Variants in RASSF8 observed in about 807,000 individuals in gnomAD.
RASSF8 encodes ras association domain-containing protein 8.
Under a neutral mutation model 48.5 loss-of-function variants are expected in RASSF8, and 22 were observed. The ratio of observed to expected loss-of-function variants is 0.45; its 90% CI spans 0.32 to 0.65. The LOEUF is 0.65. Ranked by LOEUF, RASSF8 falls within the 30% of genes least tolerant of loss-of-function variation. The probability of loss-of-function intolerance (pLI) is 0.03; values close to 1 mark genes in which losing one functional copy is unlikely to be tolerated. For missense variants in RASSF8, 418 were observed against 489.2 expected, an observed-to-expected ratio of 0.85 and a Z score of 1.37; for synonymous variants, 127 against 171.5, an observed-to-expected ratio of 0.74 and a Z score of 2.03.
chr12:25,978,050 C>T (rs561193809), intron 1 of RASSF8, among the ~76,000 whole-genome samples: 3 of 152,324 alleles, frequency 2.0e-5, no homozygotes, highest in African/African-American at 7.2e-5. Context: ...GCCCTTCTAC[C>T]CACTTGCTTA....
chr12:25,971,811 C>T (rs761196040), intron 1 of RASSF8, among the ~76,000 whole-genome samples: 2 of 152,174 alleles, frequency 1.3e-5, no homozygotes, highest in Non-Finnish European at 2.9e-5. Flanking sequence ...AAGTAACCAC[C>T]CAGGAGAAGT....
In RASSF8 at chr12:26,065,346, G is replaced by T; in HGVS notation, c.952G>T (p.Ala318Ser). 1 of 1,613,980 alleles carries T rather than the reference G, an allele frequency of 6.2e-7. No homozygotes were observed. The highest frequency in any genetic ancestry group is 8.5e-7 in the Non-Finnish European group (1 of 1,179,938). The change falls in exon 4 of 6, where the codon GCT (alanine) becomes TCT (serine). Residue 318 changes from alanine to serine, a missense_variant. Coordinates refer to ENST00000689635, the MANE Select transcript of RASSF8 (RefSeq NM_001394098.1). ...QSLRLENGIK[A>S]VERSLGQATK... ...TCTGAGGTTGGAAAATGGCATCAAA[G>T]CTGTGGAAAGATCTCTTGGACAAGC...
At chr12:26,045,969 A>G (rs2137184525) in intron 2 of RASSF8, among the ~76,000 whole-genome samples, 1 of 152,276 alleles carries the variant, frequency 6.6e-6, no homozygotes, top group African/African-American at 2.4e-5. Context: ...GCAGAAGAAA[A>G]GTGATTCTAT....
At chr12:25,994,401 A>T (rs778363824) in intron 1 of RASSF8, among the ~76,000 whole-genome samples, 1 of 152,170 alleles carries the variant, frequency 6.6e-6, no homozygotes, top group Non-Finnish European at 1.5e-5. Context: ...AATTGCGTCA[A>T]TTCCCATCTT....
At chr12:26,025,004 C>T (rs1942874591) in intron 2 of RASSF8, among the ~76,000 whole-genome samples, 1 of 151,870 alleles carries the variant, frequency 6.6e-6, no homozygotes, top group East Asian at 1.9e-4. Flanking sequence ...GAATAAAGAA[C>T]AAAAACTACA....
chr12:25,968,337 T>TA (rs1555157355), intron 1 of RASSF8, among the ~76,000 whole-genome samples: 3 of 152,124 alleles, frequency 2.0e-5, no homozygotes, highest in African/African-American at 4.8e-5. Flanking sequence ...GTTCTTTATT[T>TA]TTTATTTATT....
chr12:26,052,249 C>T (rs1181821938), intron 2 of RASSF8, among the ~76,000 whole-genome samples: 1 of 152,156 alleles, frequency 6.6e-6, no homozygotes, highest in Non-Finnish European at 1.5e-5. Context: ...GCTGTAATTC[C>T]TTTAAGAAAG....
intron 1 of RASSF8, among the ~76,000 whole-genome samples, chr12:25,991,223 CTG>C (rs1381953815): frequency 6.6e-6 from 1 of 151,928 alleles, no homozygotes; most frequent in African/African-American, 2.4e-5. Flanking sequence ...CTCTTGGAAA[CTG>C]GAATTTATTT....
chr12:26,032,614 C>T (rs2137115179), intron 2 of RASSF8, among the ~76,000 whole-genome samples: 1 of 152,178 alleles, frequency 6.6e-6, no homozygotes, highest in Non-Finnish European at 1.5e-5. Context: ...ATTATATTTA[C>T]CTGCAATTTA....
At chr12:25,997,591 A>G (rs1942162203) in intron 2 of RASSF8, among the ~76,000 whole-genome samples, 2 of 152,196 alleles carry the variant, frequency 1.3e-5, no homozygotes, top group Admixed American at 6.5e-5. Flanking sequence ...AAAACTTGTA[A>G]CGAGGTGTTT....
chr12:26,003,306 A>G lies in RASSF8; in HGVS notation c.-109+8176A>G, dbSNP rs146990944. 3.0e-3 allele frequency among the ~76,000 whole-genome samples: 457 copies of G among 152,338 alleles called. 3 individuals are homozygous for G. Among genetic ancestry groups the G allele is most frequent in the African/African-American group, 0.011 (443 of 41,582 alleles). On this transcript the variant is annotated intron_variant, in intron 2 of 5. Coordinates refer to ENST00000689635, the MANE Select transcript of RASSF8 (RefSeq NM_001394098.1). Reference sequence around the variant, plus strand: ...TCCTTGCATGCCTGATATAAAACCCATTTGATCATAATGGATTATCTTTTT... The same window carrying G: ...TCCTTGCATGCCTGATATAAAACCCGTTTGATCATAATGGATTATCTTTTT...
chr12:25,993,046 T>C (rs1275322024), intron 1 of RASSF8, among the ~76,000 whole-genome samples: 1 of 152,114 alleles, frequency 6.6e-6, no homozygotes, highest in African/African-American at 2.4e-5. Context: ...GAGCTGAGGG[T>C]GGGGGGCAGG....
chr12:25,963,406 C>T (rs1941284886), intron 1 of RASSF8, among the ~76,000 whole-genome samples: 1 of 149,750 alleles, frequency 6.7e-6, no homozygotes, highest in Admixed American at 6.6e-5. Flanking sequence ...CATGTGGTTG[C>T]TCTTTACGAA....
At position 26,008,735 on chromosome 12, in the gene RASSF8, G is replaced by A. The variant is rs1303229977; in HGVS notation, c.-109+13605G>A. On this transcript the variant is annotated intron_variant, in intron 2 of 5. Transcript: ENST00000689635. ...CTCTAGTACCATAGTGTCTGCTTCT[G>A]TTTAGGCATATTGCAAGCATCTGCA... Among the ~76,000 whole-genome samples the A allele has an allele frequency of 2.0e-5, 3 of 152,290 alleles. No homozygotes were observed. In the East Asian group the frequency reaches 5.8e-4, roughly 29 times the overall value.
At chr12:26,066,440 C>G (rs1187591166) in intron 4 of RASSF8, among the ~76,000 whole-genome samples, 1 of 152,184 alleles carries the variant, frequency 6.6e-6, no homozygotes, top group Non-Finnish European at 1.5e-5. Context: ...CTGATGTGAT[C>G]TCCTTTCTCC....
intron 1 of RASSF8, among the ~76,000 whole-genome samples, chr12:25,990,557 A>G (rs1941991176): frequency 6.6e-6 from 1 of 152,200 alleles, no homozygotes; most frequent in Non-Finnish European, 1.5e-5. Flanking sequence ...TAGAATATCT[A>G]CCTTATTGTT....
intron 1 of RASSF8, among the ~76,000 whole-genome samples, chr12:25,985,330 A>G (rs1261493630): frequency 6.6e-6 from 1 of 152,210 alleles, no homozygotes; most frequent in Non-Finnish European, 1.5e-5. Flanking sequence ...GGGATCTTTC[A>G]TTGCTGGGAT....
intron 2 of RASSF8, among the ~76,000 whole-genome samples, chr12:26,026,644 C>T (rs1220466113): frequency 2.6e-5 from 4 of 152,108 alleles, no homozygotes; most frequent in Non-Finnish European, 4.4e-5. Flanking sequence ...CCATGTTGCC[C>T]AGGCTGGTCT....
At chr12:26,021,139 G>A (rs1001987147) in intron 2 of RASSF8, among the ~76,000 whole-genome samples, 11 of 151,790 alleles carry the variant, frequency 7.2e-5, no homozygotes, top group African/African-American at 2.7e-4. Flanking sequence ...AAGTTGCACA[G>A]ACCTGCTCCA....
Sources: gnomAD v4.1 joint callset for allele counts (sites outside exome capture counted in the v4.1 genomes callset) on GRCh38, gnomAD v4.1.1 for gene constraint, MANE v1.5 for transcripts, NCBI Gene and HGNC (gene_info 2026-07-23, HGNC 2026-07-21) for gene names.